Variants in TMC1 observed in about 807,000 individuals in gnomAD.
TMC1 encodes transmembrane channel like 1.
Under a neutral mutation model 105.8 loss-of-function variants are expected in TMC1, and 84 were observed. That is an observed-to-expected ratio of 0.79 (90% CI 0.67 to 0.95). The LOEUF is 0.95. Ranked by LOEUF, TMC1 falls within the 40% of genes least tolerant of loss-of-function variation. The probability of loss-of-function intolerance (pLI) is 0.00; values close to 1 mark genes in which losing one functional copy is unlikely to be tolerated. For missense variants in TMC1, 817 were observed against 914.1 expected (o/e 0.89, Z 1.37); for synonymous variants, 315 against 311.5 (o/e 1.01, Z -0.12).
intron 5 of TMC1, among the ~76,000 whole-genome samples, chr9:72,667,156 G>A (rs1343722772): frequency 6.6e-6 from 1 of 152,132 alleles, no homozygotes; most frequent in Non-Finnish European, 1.5e-5. Flanking sequence ...GGAAAATAAA[G>A]CAGGGTAGGG....
chr9:72,559,238 G>A (rs1334565908), intron 1 of TMC1, among the ~76,000 whole-genome samples: 1 of 152,176 alleles, frequency 6.6e-6, no homozygotes, highest in East Asian at 1.9e-4. Context: ...GGGATTACAG[G>A]AGTGCTCCAC....
chr9:72,527,707 T>C (rs1216143039), intron 1 of TMC1, among the ~76,000 whole-genome samples: 4 of 152,166 alleles, frequency 2.6e-5, no homozygotes, highest in Non-Finnish European at 4.4e-5. Flanking sequence ...GTCCCTGGTT[T>C]ATTGTAGGAG....
intron 4 of TMC1, among the ~76,000 whole-genome samples, chr9:72,644,586 G>T (rs925524440): frequency 3.3e-5 from 5 of 151,936 alleles, no homozygotes; most frequent in African/African-American, 1.2e-4. Flanking sequence ...GTCTATTTCT[G>T]AATTCTCTTT....
In TMC1 at chr9:72,648,682, A is replaced by G; in HGVS notation, c.16+18A>G. The G allele has an allele frequency of 3.1e-6, 5 of 1,606,668 alleles. No homozygotes were observed. The highest frequency in any genetic ancestry group is 1.3e-5 in the African/African-American group (1 of 74,808). ...CAAAAAAGGTATTTACAAAATCAAGACTGTCTGTAGGACACTATGTCTTTC... is the reference window on the plus strand; with the variant it reads ...CAAAAAAGGTATTTACAAAATCAAGGCTGTCTGTAGGACACTATGTCTTTC... On this transcript the variant is annotated intron_variant, in intron 5 of 23. Transcript: ENST00000297784.
At position 72,620,652 on chromosome 9, in the gene TMC1, G is replaced by C. The variant is rs149101966; in HGVS notation, c.-196+4175G>C. On this transcript the variant is annotated intron_variant, in intron 3 of 23. Transcript: ENST00000297784. ...GAGAAAAATGGCCAAATTTGGTATA[G>C]TTGAATTTATCATGGGGTGATTAAT... Among the ~76,000 whole-genome samples, 21 of 152,252 alleles carry C rather than the reference G, an allele frequency of 1.4e-4. No individual in the cohort carries two copies. In the East Asian group the frequency reaches 3.9e-3, roughly 28 times the overall value.
chr9:72,818,038 A>C (rs1236016179), intron 19 of TMC1, among the ~76,000 whole-genome samples: 2 of 152,124 alleles, frequency 1.3e-5, no homozygotes, highest in African/African-American at 2.4e-5. Context: ...TAGGAGGCTG[A>C]TGAGGGAGGG....
intron 1 of TMC1, among the ~76,000 whole-genome samples, chr9:72,563,962 T>C (rs1824103072): frequency 6.6e-6 from 1 of 150,916 alleles, no homozygotes; most frequent in Admixed American, 6.6e-5. Flanking sequence ...AGGATTCCTA[T>C]TGGAATGTAT....
intron 17 of TMC1, among the ~76,000 whole-genome samples, chr9:72,796,240 C>G (rs1459107899): frequency 6.6e-6 from 1 of 152,032 alleles, no homozygotes; most frequent in African/African-American, 2.4e-5. Flanking sequence ...CTACCACCAC[C>G]CAATAATAGC....
At chr9:72,633,361 A>G (rs1825479731) in intron 4 of TMC1, among the ~76,000 whole-genome samples, 1 of 152,134 alleles carries the variant, frequency 6.6e-6, no homozygotes, top group South Asian at 2.1e-4. Flanking sequence ...CCACATGCCT[A>G]TGTGATTTTA....
intron 23 of TMC1, among the ~76,000 whole-genome samples, 173 bp downstream of exon 23, chr9:72,830,855 A>G (rs1829032213): frequency 1.3e-5 from 2 of 149,818 alleles, no homozygotes; most frequent in African/African-American, 4.9e-5. Flanking sequence ...CATCACATCC[A>G]GGGTATTTGG....
At chr9:72,567,625 A>G (rs1408350406) in intron 1 of TMC1, among the ~76,000 whole-genome samples, 1 of 152,178 alleles carries the variant, frequency 6.6e-6, no homozygotes, top group Non-Finnish European at 1.5e-5. Flanking sequence ...AGACTCACTC[A>G]CTATCACAAG....
At chr9:72,570,701 T>G (rs1464346996) in intron 1 of TMC1, among the ~76,000 whole-genome samples, 13 of 136,026 alleles carry the variant, frequency 9.6e-5, no homozygotes, top group African/African-American at 3.6e-4. Context: ...TTTTTTTTTT[T>G]TTTTTGAGAC....
At chr9:72,623,895 T>C (rs1388750693) in intron 3 of TMC1, among the ~76,000 whole-genome samples, 1 of 152,126 alleles carries the variant, frequency 6.6e-6, no homozygotes, top group Non-Finnish European at 1.5e-5. Context: ...TTGGTCCTAG[T>C]CTATATCGTA....
chr9:72,740,444 C>T (rs1433627878), intron 9 of TMC1, among the ~76,000 whole-genome samples: 1 of 152,098 alleles, frequency 6.6e-6, no homozygotes, highest in East Asian at 1.9e-4. Flanking sequence ...TGGCAAAAGA[C>T]TTACTTGTGT....
chr9:72,598,572 C>T (rs1311524722), intron 2 of TMC1, among the ~76,000 whole-genome samples: 1 of 152,036 alleles, frequency 6.6e-6, no homozygotes, highest in Non-Finnish European at 1.5e-5. Context: ...ATACAGTGGA[C>T]ACAGAGCCCT....
Position 72,754,816 on chromosome 9 carries a change from C to G in TMC1, c.673C>G (p.Pro225Ala). The change falls in exon 12 of 24, where the codon CCT becomes GCT. Residue 225 changes from proline to alanine, a missense_variant. Pro to Ala is a conservative substitution (Grantham distance 27). Transcript: ENST00000297784. ...CTGGGGTTTGCCATATGGCAGTTTA[C>G]CTAGGAAAACCGTTCCCAGAGCCGA... ...YLWGLPYGSL[P>A]RKTVPRAEEA... 6.2e-7 allele frequency: 1 copy of G among 1,614,078 alleles called. No individual in the cohort carries two copies. The highest frequency in any genetic ancestry group is 8.5e-7 in the Non-Finnish European group (1 of 1,179,960).
intron 13 of TMC1, among the ~76,000 whole-genome samples, chr9:72,784,759 A>G (rs1828143797): frequency 6.6e-6 from 1 of 152,244 alleles, no homozygotes; most frequent in Non-Finnish European, 1.5e-5. Flanking sequence ...CTATGCAGCC[A>G]TAAAAAAGAA....
chr9:72,658,332 T>TAAA (rs76389787), intron 5 of TMC1, among the ~76,000 whole-genome samples: 1 of 131,996 alleles, frequency 7.6e-6, no homozygotes, highest in African/African-American at 2.8e-5. Context: ...AGACTCCGTC[T>TAAA]AAAAAAAAAA....
intron 3 of TMC1, among the ~76,000 whole-genome samples, chr9:72,620,185 A>G (rs908672766): frequency 6.8e-6 from 1 of 146,884 alleles, no homozygotes; most frequent in Non-Finnish European, 1.5e-5. Flanking sequence ...GCTCAAGTCC[A>G]TTATTGCCAA....
Sources: allele counts gnomAD v4.1 joint callset (sites outside exome capture counted in the v4.1 genomes callset), GRCh38; gene constraint gnomAD v4.1.1; transcripts MANE v1.5; gene names NCBI Gene and HGNC (gene_info 2026-07-23, HGNC 2026-07-21).